Variants in PHACTR1 observed in about 807,000 individuals in gnomAD.
PHACTR1 encodes RPEL repeat containing 1.
Under a neutral mutation model 69.2 loss-of-function variants are expected in PHACTR1, and 16 were observed. The observed-to-expected ratio is 0.23, with a 90% CI of 0.16 to 0.35. The LOEUF is 0.35. Among genes scored for constraint, PHACTR1 ranks in the 10% least tolerant of loss-of-function variants. PHACTR1 has a pLI of 1.00. For missense variants in PHACTR1, 510 were observed against 734.7 expected (o/e 0.69, Z 3.54); for synonymous variants, 312 against 284.5 (o/e 1.10, Z -0.97).
intron 11 of PHACTR1, chr6:13,274,087 TG>T (rs1195867975): frequency 6.6e-6 from 1 of 152,264 alleles, no homozygotes. Flanking sequence ...GGTTCCGCTT[TG>T]GTGGGGAGAC....
At chr6:12,966,101 C>T (rs958915572) in intron 4 of PHACTR1, among the ~76,000 whole-genome samples, 1 of 152,052 alleles carries the variant, frequency 6.6e-6, no homozygotes, top group African/African-American at 2.4e-5. Flanking sequence ...GGAAGGGGTG[C>T]AGGAGGACCC....
chr6:12,789,771 T>C (rs1772010804), intron 4 of PHACTR1, among the ~76,000 whole-genome samples: 1 of 151,644 alleles, frequency 6.6e-6, no homozygotes, highest in South Asian at 2.1e-4. Context: ...TTTTATTTTT[T>C]TATTTTATTT....
chr6:13,209,590 A>G (rs118055073), intron 8 of PHACTR1, among the ~76,000 whole-genome samples: 4,531 of 152,354 alleles, frequency 0.03, 88 homozygotes, highest in East Asian at 0.029. Flanking sequence ...TGAATTAAAC[A>G]GCATCAATGC....
At chr6:12,795,613 A>G (rs555779986) in intron 4 of PHACTR1, among the ~76,000 whole-genome samples, 1 of 152,280 alleles carries the variant, frequency 6.6e-6, no homozygotes, top group South Asian at 2.1e-4. Flanking sequence ...ACAATGTGGG[A>G]AGAGGAGAGG....
chr6:12,944,928 A>G (rs996815315), intron 4 of PHACTR1, among the ~76,000 whole-genome samples: 10 of 151,558 alleles, frequency 6.6e-5, no homozygotes, highest in Admixed American at 3.3e-4. Flanking sequence ...GACTACAGAC[A>G]CCCGCCACCA....
intron 3 of PHACTR1, among the ~76,000 whole-genome samples, chr6:12,739,289 T>C (rs1241967219): frequency 1.3e-5 from 2 of 151,986 alleles, no homozygotes; most frequent in Admixed American, 6.6e-5. Flanking sequence ...ATCATCATTA[T>C]CAGAAATAGA....
At chr6:13,163,115 T>C (rs1036093138) in intron 6 of PHACTR1, among the ~76,000 whole-genome samples, 2 of 152,126 alleles carry the variant, frequency 1.3e-5, no homozygotes, top group African/African-American at 2.4e-5. Context: ...TGTGGTGGCA[T>C]GCGCCTGTAG....
At chr6:12,962,507 G>A (rs1362778812) in intron 4 of PHACTR1, among the ~76,000 whole-genome samples, 1 of 152,120 alleles carries the variant, frequency 6.6e-6, no homozygotes, top group East Asian at 1.9e-4. Flanking sequence ...AGAAGAAAAT[G>A]GTATCACCAA....
chr6:13,138,235 G>T (rs1350801059), intron 5 of PHACTR1, among the ~76,000 whole-genome samples: 1 of 152,102 alleles, frequency 6.6e-6, no homozygotes, highest in South Asian at 2.1e-4. Flanking sequence ...TGGAAGATGG[G>T]GGCTTAATAC....
At chr6:13,268,570 A>G (rs1562095893) in intron 10 of PHACTR1, among the ~76,000 whole-genome samples, 2 of 152,242 alleles carry the variant, frequency 1.3e-5, no homozygotes, top group Non-Finnish European at 2.9e-5. Context: ...GCATTAAATC[A>G]GCCTTAGCTT....
intron 10 of PHACTR1, among the ~76,000 whole-genome samples, chr6:13,248,067 C>G (rs565779514): frequency 6.6e-6 from 1 of 152,308 alleles, no homozygotes; most frequent in South Asian, 2.1e-4. Flanking sequence ...GGCAGCTTCT[C>G]CCTGAAGCCT....
At chr6:12,853,106 A>G (rs1296099865) in intron 4 of PHACTR1, among the ~76,000 whole-genome samples, 1 of 152,142 alleles carries the variant, frequency 6.6e-6, no homozygotes, top group Non-Finnish European at 1.5e-5. Flanking sequence ...AGCACTGCCT[A>G]TTTCAATTCA....
At chr6:13,015,084 C>T (rs1011815980) in intron 4 of PHACTR1, among the ~76,000 whole-genome samples, 1 of 152,232 alleles carries the variant, frequency 6.6e-6, no homozygotes, top group Non-Finnish European at 1.5e-5. Flanking sequence ...CTGACACGCA[C>T]ACCTGCTTGG....
At chr6:13,210,611 C>T (rs763335788) in intron 8 of PHACTR1, among the ~76,000 whole-genome samples, 3 of 152,130 alleles carry the variant, frequency 2.0e-5, no homozygotes, top group Admixed American at 6.5e-5. Context: ...GCGTATGGCT[C>T]AACCTCTTTT....
chr6:13,268,913 T>C (rs923165002), intron 10 of PHACTR1, among the ~76,000 whole-genome samples: 1 of 152,180 alleles, frequency 6.6e-6, no homozygotes, highest in East Asian at 1.9e-4. Flanking sequence ...TGTTTGACTA[T>C]AAAGCAGCCT....
chr6:12,804,160 CT>C (rs1483685338), intron 4 of PHACTR1, among the ~76,000 whole-genome samples: 2 of 152,150 alleles, frequency 1.3e-5, no homozygotes, highest in Non-Finnish European at 2.9e-5. Context: ...CATCTTGTGG[CT>C]ATTAGACTTC....
At chr6:12,944,709 G>A (rs548806889) in intron 4 of PHACTR1, among the ~76,000 whole-genome samples, 2 of 152,078 alleles carry the variant, frequency 1.3e-5, no homozygotes, top group East Asian at 1.9e-4. Context: ...GAAAGTTCCC[G>A]TGAATGGGGA....
chr6:13,006,631 C>A (rs1215568097), intron 4 of PHACTR1, among the ~76,000 whole-genome samples: 1 of 151,612 alleles, frequency 6.6e-6, no homozygotes, highest in Non-Finnish European at 1.5e-5. Flanking sequence ...GATACATACA[C>A]AACTTATATT....
At chr6:12,774,334 C>A (rs1029681435) in intron 4 of PHACTR1, among the ~76,000 whole-genome samples, 3 of 152,194 alleles carry the variant, frequency 2.0e-5, no homozygotes, top group African/African-American at 7.2e-5. Context: ...TTCCCCAATA[C>A]TTCAAAGGAA....
Sources: gnomAD v4.1 joint callset for allele counts (sites outside exome capture counted in the v4.1 genomes callset) on GRCh38, gnomAD v4.1.1 for gene constraint, MANE v1.5 for transcripts, NCBI Gene and HGNC (gene_info 2026-07-23, HGNC 2026-07-21) for gene names.